ITSN2: variants seen among roughly 807,000 people sequenced by gnomAD.
ITSN2 encodes intersectin-2.
A neutral mutation model predicts 243.7 loss-of-function variants in ITSN2; 156 were observed. That is an observed-to-expected ratio of 0.64 (90% CI 0.56 to 0.73). The LOEUF is 0.73. ITSN2 is among the 30% of genes least tolerant of loss of function. The pLI is 0.00. For missense variants in ITSN2, 1,801 were observed against 1,996.1 expected, an observed-to-expected ratio of 0.90 and a Z score of 1.86; for synonymous variants, 703 against 699.9, an observed-to-expected ratio of 1.00 and a Z score of -0.07.
At chr2:24,286,158 T>C (rs898922169) in intron 16 of ITSN2, 54 bp downstream of exon 16, 2 of 1,038,702 alleles carry the variant, frequency 1.9e-6, no homozygotes, top group African/African-American at 3.2e-5. Context: ...TAAATCAAAA[T>C]AATGAAGGTA....
At chr2:24,208,990 G>C in intron 36 of ITSN2, 110 bp downstream of exon 36, 1 of 1,236,640 alleles carries the variant, frequency 8.1e-7, no homozygotes, top group Non-Finnish European at 1.2e-6. Context: ...AGAGGTTCAG[G>C]ATACAGAATT....
intron 33 of ITSN2, 124 bp downstream of exon 33, chr2:24,212,526 G>A (rs555682609): frequency 1.5e-6 from 1 of 675,908 alleles, no homozygotes. Flanking sequence ...GGGATCACTT[G>A]TGCGGTGTCA....
chr2:24,234,720 T>C (rs1469799828), intron 29 of ITSN2, among the ~76,000 whole-genome samples: 1 of 152,202 alleles, frequency 6.6e-6, no homozygotes, highest in African/African-American at 2.4e-5. Flanking sequence ...GATATGCAGA[T>C]GGCAAATAAG....
chr2:24,301,307 T>G (rs1681702184), intron 10 of ITSN2, 68 bp from the exon 11 acceptor site: 3 of 838,292 alleles, frequency 3.6e-6, no homozygotes. Flanking sequence ...TTACACAGAC[T>G]ACCAGTGATT....
Position 24,271,866 on chromosome 2 carries a change from G to A in ITSN2, c.2157C>T (p.Leu719=). ...TTTTTTCTTGTGTTTTTTCTTCCTG[G>A]AGTCGCTTTTGTTTTTCTTCTTCCT... ...RKEEEEKQKR[L]QEEKTQEKIQ... is the part of the protein sequence containing the mutation. The change falls in exon 19 of 40, where the codon CTC becomes CTT. Residue 719 remains leucine (L), a synonymous_variant. Coordinates refer to ENST00000355123, the MANE Select transcript of ITSN2 (RefSeq NM_006277.3). 6.2e-7 allele frequency: 1 copy of A among 1,607,662 alleles called. No individual in the cohort carries two copies. Among genetic ancestry groups the A allele is most frequent in the South Asian group, 1.1e-5 (1 of 89,002 alleles).
chr2:24,216,553 C>T (rs531827650), intron 31 of ITSN2, among the ~76,000 whole-genome samples: 1 of 151,974 alleles, frequency 6.6e-6, no homozygotes, highest in African/African-American at 2.4e-5. Context: ...CCCAGGAGTT[C>T]GAGACCAGCT....
chr2:24,328,763 C>T (rs367593526), intron 1 of ITSN2, among the ~76,000 whole-genome samples: 1 of 152,086 alleles, frequency 6.6e-6, no homozygotes, highest in Non-Finnish European at 1.5e-5. Flanking sequence ...GCACCCAGCC[C>T]ATAGTATCAT....
At chr2:24,329,090 A>G (rs1685492946) in intron 1 of ITSN2, among the ~76,000 whole-genome samples, 1 of 152,216 alleles carries the variant, frequency 6.6e-6, no homozygotes, top group African/African-American at 2.4e-5. Context: ...AAAGTGTTAA[A>G]CATAATCCAG....
rs1222902105 is a variant in ITSN2 at position 24,276,116 on chromosome 2, T to C, written c.1945-267A>G. Among the ~76,000 whole-genome samples the C allele has an allele frequency of 2.6e-5, 4 of 152,344 alleles. No homozygotes were observed. In the East Asian group the frequency reaches 5.8e-4, roughly 22 times the overall value. The stretch of plus-strand genomic sequence containing the variant: ...CAGAATCTTTAACAAGCCGATGCTT[T>C]GATTTGGTACATCATTTTCAATTAA... On this transcript the variant is annotated intron_variant, in intron 17 of 39. Coordinates refer to ENST00000355123, the MANE Select transcript of ITSN2 (RefSeq NM_006277.3).
intron 12 of ITSN2, among the ~76,000 whole-genome samples, chr2:24,299,651 C>T (rs753810833): frequency 4.5e-4 from 69 of 152,182 alleles, no homozygotes; most frequent in Non-Finnish European, 9.0e-4. Context: ...GCTCTGCAGT[C>T]GATCCTCCTT....
At chr2:24,258,163 A>G (rs1558503637) in intron 22 of ITSN2, 70 bp from the exon 23 acceptor site, 1 of 1,141,604 alleles carries the variant, frequency 8.8e-7, no homozygotes, top group Non-Finnish European at 1.3e-6. Context: ...CTGTGTATAT[A>G]ACATACTTAC....
intron 4 of ITSN2, 69 bp from the exon 5 acceptor site, chr2:24,312,444 G>A: frequency 8.5e-7 from 1 of 1,173,082 alleles, no homozygotes; most frequent in African/African-American, 1.5e-5. Context: ...TTATTTTGGG[G>A]ATTGACAAAG....
At chr2:24,312,958 T>C (rs935131457) in intron 4 of ITSN2, among the ~76,000 whole-genome samples, 1 of 152,148 alleles carries the variant, frequency 6.6e-6, no homozygotes, top group African/African-American at 2.4e-5. Context: ...TTCTCAATGA[T>C]AATGTATATA....
At chr2:24,247,446 G>A (rs1170526539) in intron 27 of ITSN2, among the ~76,000 whole-genome samples, 1 of 152,186 alleles carries the variant, frequency 6.6e-6, no homozygotes, top group Non-Finnish European at 1.5e-5. Context: ...TGCAACATGA[G>A]TGTAATAGCT....
At chr2:24,265,569 T>C (rs1027217063) in intron 20 of ITSN2, among the ~76,000 whole-genome samples, 1 of 152,208 alleles carries the variant, frequency 6.6e-6, no homozygotes, top group Non-Finnish European at 1.5e-5. Context: ...TTTCCAATCT[T>C]GATGCCTTTT....
At chr2:24,205,728 G>T in intron 37 of ITSN2, 1 of 177,060 alleles carries the variant, frequency 5.6e-6, no homozygotes, top group African/African-American at 2.3e-5. Flanking sequence ...CAATTGCCTA[G>T]CAAATAGTAA....
chr2:24,292,881 G>A (rs1447781181), intron 15 of ITSN2, among the ~76,000 whole-genome samples: 3 of 152,216 alleles, frequency 2.0e-5, no homozygotes. Flanking sequence ...CTTGCGCAAA[G>A]AAGGGGATAC....
intron 1 of ITSN2, among the ~76,000 whole-genome samples, chr2:24,335,911 C>T (rs960087281): frequency 2.0e-5 from 3 of 151,268 alleles, no homozygotes; most frequent in East Asian, 2.0e-4. Flanking sequence ...GGATTACAGG[C>T]GTGAGCAACC....
intron 38 of ITSN2, 144 bp downstream of exon 38, chr2:24,205,070 C>T (rs1668725013): frequency 1.6e-6 from 1 of 616,796 alleles, no homozygotes. Flanking sequence ...TCACTTGTAC[C>T]CCAGAGGCAG....
Sources: gnomAD v4.1 joint callset for allele counts (sites outside exome capture counted in the v4.1 genomes callset) on GRCh38, gnomAD v4.1.1 for gene constraint, MANE v1.5 for transcripts, NCBI Gene and HGNC (gene_info 2026-07-23, HGNC 2026-07-21) for gene names.